TSHZ2: variants seen among roughly 807,000 people sequenced by gnomAD.
TSHZ2 encodes teashirt homolog 2.
TSHZ2 carries 21 observed loss-of-function variants against 74.4 expected under a neutral mutation model. The ratio of observed to expected loss-of-function variants is 0.28; its 90% CI spans 0.20 to 0.41. The LOEUF (loss-of-function observed/expected upper bound fraction) is 0.41. Ranked by LOEUF, TSHZ2 falls within the 10% of genes least tolerant of loss-of-function variation. The pLI is 1.00. For missense variants in TSHZ2, 1,244 were observed against 1,293.5 expected, an observed-to-expected ratio of 0.96 and a Z score of 0.59; for synonymous variants, 540 against 515.3, an observed-to-expected ratio of 1.05 and a Z score of -0.65.
intron 1 of TSHZ2, among the ~76,000 whole-genome samples, chr20:53,047,928 G>A (rs571954340): frequency 3.3e-5 from 5 of 152,258 alleles, no homozygotes; most frequent in African/African-American, 4.8e-5. Context: ...GGTAGACACC[G>A]TCGCACTTTT....
intron 2 of TSHZ2, among the ~76,000 whole-genome samples, chr20:53,413,961 G>A (rs1384523456): frequency 3.3e-5 from 5 of 152,020 alleles, no homozygotes; most frequent in East Asian, 3.9e-4. Context: ...GGGCAACATG[G>A]CAAAACCCCA....
intron 1 of TSHZ2, among the ~76,000 whole-genome samples, chr20:52,995,611 C>CTT (rs11469115): frequency 4.0e-4 from 54 of 136,086 alleles, no homozygotes; most frequent in South Asian, 3.1e-3. Context: ...TTTTTCTTTC[C>CTT]TTTTTTTTTT....
chr20:53,101,037 T>C (rs545322839), intron 1 of TSHZ2, among the ~76,000 whole-genome samples: 1 of 152,192 alleles, frequency 6.6e-6, no homozygotes, highest in Non-Finnish European at 1.5e-5. Context: ...TTAGTACCTT[T>C]TACCTGGTCT....
At chr20:53,193,379 T>G (rs35912954) in intron 1 of TSHZ2, among the ~76,000 whole-genome samples, 69,545 of 151,976 alleles carry the variant, frequency 0.46, 16,147 homozygotes, top group Middle Eastern at 0.51. Context: ...GTCAAGAGCA[T>G]GTATCCTTAG....
chr20:52,980,944 C>T (rs16997368), intron 1 of TSHZ2, among the ~76,000 whole-genome samples: 1,809 of 152,020 alleles, frequency 0.012, 14 homozygotes, highest in Non-Finnish European at 0.018. Flanking sequence ...TCTTTTATAC[C>T]CCAGAGAGAT....
rs547102108 is a variant in TSHZ2, at chr20:53,114,935, G to GA, written c.41-138558dup. Among the ~76,000 whole-genome samples, 438 of 152,278 alleles carry GA rather than the reference G, an allele frequency of 2.9e-3. 2 individuals carry two copies. The highest frequency in any genetic ancestry group is 9.3e-3 in the African/African-American group (385 of 41,550). ...TTCTGAGGGTGGACCTGAGAGGCAGGAAAAAACTTGGGTTGGGTATCACGC... is the reference window on the plus strand; with the variant it reads ...TTCTGAGGGTGGACCTGAGAGGCAGGAAAAAAACTTGGGTTGGGTATCACGC... On this transcript the variant is annotated intron_variant, in intron 1 of 2. Transcript: ENST00000371497.
chr20:53,167,783 C>T (rs1201885254), intron 1 of TSHZ2, among the ~76,000 whole-genome samples: 2 of 152,160 alleles, frequency 1.3e-5, no homozygotes, highest in East Asian at 1.9e-4. Context: ...TCAATGCACG[C>T]TCCCACTGGG....
chr20:53,354,976 G>A (rs1371538778), intron 2 of TSHZ2, among the ~76,000 whole-genome samples: 1 of 152,086 alleles, frequency 6.6e-6, no homozygotes, highest in African/African-American at 2.4e-5. Context: ...ATTGGGCAAG[G>A]GGGTTGGAAG....
At chr20:53,396,554 A>AAG (rs1394813305) in intron 2 of TSHZ2, among the ~76,000 whole-genome samples, 1 of 152,150 alleles carries the variant, frequency 6.6e-6, no homozygotes, top group Non-Finnish European at 1.5e-5. Context: ...TCAGTTAAAA[A>AAG]AGAGAGAGAG....
At chr20:53,402,079 A>G (rs1283210967) in intron 2 of TSHZ2, among the ~76,000 whole-genome samples, 3 of 152,142 alleles carry the variant, frequency 2.0e-5, no homozygotes, top group African/African-American at 7.2e-5. Flanking sequence ...CACCGTGCCC[A>G]GCCATATACC....
In TSHZ2 at chr20:53,132,024, T is replaced by C. The variant is rs952657514; in HGVS notation, c.41-121475T>C. ...AGAAGAAGGAAGAACTTGCAGGCGG[T>C]AGCCAGGAGCACCCTGGCTGGAGTA... On this transcript the variant is annotated intron_variant, in intron 1 of 2. Coordinates refer to ENST00000371497, the MANE Select transcript of TSHZ2 (RefSeq NM_173485.6). 3.3e-5 allele frequency among the ~76,000 whole-genome samples: 5 copies of C among 152,054 alleles called. 1 individual carries two copies. In the South Asian group the frequency reaches 1.0e-3, roughly 32 times the overall value.
chr20:53,133,799 C>T (rs1307922453), intron 1 of TSHZ2, among the ~76,000 whole-genome samples: 3 of 151,964 alleles, frequency 2.0e-5, no homozygotes. Context: ...TTGATTTTTT[C>T]TTATCGACAT....
intron 1 of TSHZ2, among the ~76,000 whole-genome samples, chr20:53,061,125 T>C (rs1053429814): frequency 2.6e-5 from 4 of 152,224 alleles, no homozygotes; most frequent in Non-Finnish European, 4.4e-5. Context: ...GTGAATGAAT[T>C]AATCAATGAA....
At chr20:53,245,308 G>C (rs1030518575) in intron 1 of TSHZ2, among the ~76,000 whole-genome samples, 3 of 152,164 alleles carry the variant, frequency 2.0e-5, no homozygotes, top group Non-Finnish European at 4.4e-5. Context: ...TGATCCTAAG[G>C]CTGAGGGGCC....
At chr20:53,265,054 CAG>C (rs761216636) in intron 2 of TSHZ2, among the ~76,000 whole-genome samples, 8 of 152,156 alleles carry the variant, frequency 5.3e-5, no homozygotes, top group Middle Eastern at 3.4e-3. Flanking sequence ...GCAGATGTAT[CAG>C]GGGTCAGGGG....
chr20:53,038,032 T>C (rs1238923567), intron 1 of TSHZ2, among the ~76,000 whole-genome samples: 2 of 151,428 alleles, frequency 1.3e-5, no homozygotes, highest in East Asian at 1.9e-4. Context: ...GCGTGTTTAG[T>C]GTACCGCAGG....
chr20:53,069,378 A>G (rs1047511369), intron 1 of TSHZ2, among the ~76,000 whole-genome samples: 4 of 152,110 alleles, frequency 2.6e-5, no homozygotes, highest in African/African-American at 9.7e-5. Flanking sequence ...GGAGGTGTCC[A>G]CATGGTTAGA....
chr20:53,066,378 C>T (rs560613392), intron 1 of TSHZ2, among the ~76,000 whole-genome samples: 3 of 152,120 alleles, frequency 2.0e-5, no homozygotes, highest in Non-Finnish European at 2.9e-5. Context: ...CCCCACCCCC[C>T]ACAATTTTCA....
chr20:53,466,076 G>A (rs1234064257), intron 2 of TSHZ2, among the ~76,000 whole-genome samples: 4 of 151,552 alleles, frequency 2.6e-5, no homozygotes, highest in Non-Finnish European at 4.4e-5. Flanking sequence ...GTGAAACCCC[G>A]TCTCTACTAA....
Sources: allele counts gnomAD v4.1 joint callset (sites outside exome capture counted in the v4.1 genomes callset), GRCh38; gene constraint gnomAD v4.1.1; transcripts MANE v1.5; gene names NCBI Gene and HGNC (gene_info 2026-07-23, HGNC 2026-07-21).